Variants in LONRF2 observed in about 807,000 individuals in gnomAD.
LONRF2 encodes the protein LON peptidase N-terminal domain and ring finger 2.
In LONRF2, 35 loss-of-function variants were observed where a neutral mutation model predicts 66.6. That is an observed-to-expected ratio of 0.53 (90% CI 0.40 to 0.70). The LOEUF (loss-of-function observed/expected upper bound fraction) is 0.70. LONRF2 is among the 30% of genes least tolerant of loss of function. LONRF2 has a pLI of 0.00. For synonymous variants in LONRF2, 417 were observed against 418.1 expected, an observed-to-expected ratio of 1.00 and a Z score of 0.03; for missense variants, 902 against 1,002.1, an observed-to-expected ratio of 0.90 and a Z score of 1.35.
In LONRF2 at chr2:100,322,051, G is replaced by A; in HGVS notation, c.43C>T (p.Pro15Ser). Residue 15 changes from proline (P) to serine (S), a missense_variant, in exon 1 of 12, where the codon CCT becomes TCT. Physicochemically the swap from Pro to Ser is moderately conservative, Grantham distance 74. Transcript: ENST00000393437. Reference sequence around the variant, plus strand: ...ATCGGCTCCGCGCGGTCGCAGCCAGGACACTGGGGCGGCGGCGGCGGCGGG... The same window carrying A: ...ATCGGCTCCGCGCGGTCGCAGCCAGAACACTGGGGCGGCGGCGGCGGCGGG... ...PVPPPPPPQC[P>S]GCDRAEPIAQ... 1 of 1,322,992 alleles carries A rather than the reference G, an allele frequency of 7.6e-7. No individual in the cohort carries two copies. 82.0% of individuals were successfully genotyped at this position (1,322,992 alleles called of 1,614,324 possible).
At position 100,276,158 on chromosome 2, in the gene LONRF2, G is replaced by A. The variant is rs930794335; in HGVS notation, c.*8140C>T. On this transcript the variant is annotated 3_prime_UTR_variant, in exon 12 of 12. Transcript: ENST00000393437. ...ACCAAAACATAAAAGGGTGCCTATT[G>A]GCTTTTGTGTCTCCATAACTTAGGT... 1 of 152,092 alleles carries A rather than the reference G, an allele frequency of 6.6e-6. No individual in the cohort carries two copies. The highest frequency in any genetic ancestry group is 2.4e-5 in the African/African-American group (1 of 41,404). The allele number at this position is 152,092 out of a possible 1,614,324, so 9.4% of individuals were successfully genotyped here.
intron 9 of LONRF2, among the ~76,000 whole-genome samples, chr2:100,292,058 A>G (rs1427054481): frequency 6.6e-6 from 1 of 152,204 alleles, no homozygotes; most frequent in East Asian, 1.9e-4. Flanking sequence ...CCCCCAAACT[A>G]AAGAGCAGCG....
intron 7 of LONRF2, among the ~76,000 whole-genome samples, chr2:100,297,196 T>C (rs1290661919): frequency 1.3e-5 from 2 of 152,116 alleles, no homozygotes; most frequent in African/African-American, 4.8e-5. Flanking sequence ...TGGCGCAATC[T>C]TGGCTCACTG....
chr2:100,299,206 C>T lies in LONRF2; in HGVS notation c.1361+20G>A, dbSNP rs1373953670. ...AGGCTGCAGTTTTAAAAGAGTTGCACGGATTCTGTACCATCCTACCTCATG... is the reference window on the plus strand; with the variant it reads ...AGGCTGCAGTTTTAAAAGAGTTGCATGGATTCTGTACCATCCTACCTCATG... On this transcript the variant is annotated intron_variant, in intron 6 of 11. Transcript: ENST00000393437. The T allele has an allele frequency of 8.5e-6, 13 of 1,523,732 alleles. No individual in the cohort carries two copies. The highest frequency in any genetic ancestry group is 2.1e-5 in the Admixed American group (1 of 47,284). The allele number at this position is 1,523,732 out of a possible 1,614,324, so 94.4% of individuals were successfully genotyped here.
chr2:100,284,509 G>C lies in LONRF2; in HGVS notation c.2071-17C>G. On this transcript the variant is annotated splice_polypyrimidine_tract_variant and intron_variant, in intron 11 of 11. Transcript: ENST00000393437. ...GGGATTACTCTGCAAAAGAGATGAG[G>C]GGAAAGCAAGGTTAACACTGGAAAT... is the stretch of plus-strand genomic sequence containing the variant. 1 of 1,527,516 alleles carries C rather than the reference G, an allele frequency of 6.5e-7. No homozygotes were observed. The allele number at this position is 1,527,516 out of a possible 1,614,324, so 94.6% of individuals were successfully genotyped here.
Position 100,300,019 on chromosome 2 carries a change from A to AGGGG in LONRF2, c.1066-105_1066-102dup, listed in dbSNP as rs33984834. On this transcript the variant is annotated intron_variant, in intron 4 of 11. Coordinates refer to ENST00000393437, the MANE Select transcript of LONRF2 (RefSeq NM_198461.4). ...GTACTAGAAATCTTTGGAAAAAAAA[A>AGGGG]GGGGGGGGCATACACTCTTCTTCAT... 189 of 396,536 alleles carry AGGGG rather than the reference A, an allele frequency of 4.8e-4. 1 individual carries two copies. The highest frequency in any genetic ancestry group is 3.9e-3 in the African/African-American group (174 of 44,866). The allele number at this position is 396,536 out of a possible 1,614,324, so 24.6% of individuals were successfully genotyped here.
Position 100,278,843 on chromosome 2 carries a change from T to C in LONRF2, c.*5455A>G, listed in dbSNP as rs1038865624. The stretch of plus-strand genomic sequence containing the variant: ...TCTCCTGAGGCACAAAGTGGGCACA[T>C]GACATGTTTGCTGTTCTTCCTTTTA... On this transcript the variant is annotated 3_prime_UTR_variant, in exon 12 of 12. Transcript: ENST00000393437. 3.3e-5 allele frequency: 5 copies of C among 152,176 alleles called. No homozygotes were observed. Among genetic ancestry groups the C allele is most frequent in the African/African-American group, 9.7e-5 (4 of 41,416 alleles). 9.4% of individuals were successfully genotyped at this position (152,176 alleles called of 1,614,324 possible). A position where few individuals can be genotyped will look rare whatever the true frequency, so the allele number is the denominator to read the frequency against.
intron 1 of LONRF2, among the ~76,000 whole-genome samples, chr2:100,321,114 C>T (rs568737862): frequency 7.2e-5 from 11 of 152,326 alleles, no homozygotes; most frequent in African/African-American, 2.2e-4. Flanking sequence ...CTCCCCGCTC[C>T]TCAACAGCGC....
rs574352196 is a variant in LONRF2, at chr2:100,305,999, C to T, written c.799-2956G>A. The stretch of plus-strand genomic sequence containing the variant: ...CACCTCCCAGGTTCAAGTGATTCTC[C>T]TGCCTCAGCCTCCGGAGTAGCTGGG... On this transcript the variant is annotated intron_variant, in intron 2 of 11. Coordinates refer to ENST00000393437, the MANE Select transcript of LONRF2 (RefSeq NM_198461.4). 1.6e-3 allele frequency among the ~76,000 whole-genome samples: 243 copies of T among 152,320 alleles called. 1 individual carries two copies. The highest frequency in any genetic ancestry group is 5.6e-3 in the African/African-American group (233 of 41,578).
At chr2:100,292,464 T>G (rs141386913) in intron 9 of LONRF2, among the ~76,000 whole-genome samples, 1 of 152,246 alleles carries the variant, frequency 6.6e-6, no homozygotes, top group South Asian at 2.1e-4. Context: ...GGGCTCTGCC[T>G]ACTCTCTCCC....
intron 2 of LONRF2, among the ~76,000 whole-genome samples, chr2:100,308,330 T>TA (rs1314829142): frequency 6.6e-6 from 1 of 151,676 alleles, no homozygotes; most frequent in Admixed American, 6.6e-5. Flanking sequence ...AAAAATAAAA[T>TA]AAAAAAATAA....
chr2:100,308,092 G>A (rs1034164842), intron 2 of LONRF2, among the ~76,000 whole-genome samples: 11 of 152,176 alleles, frequency 7.2e-5, no homozygotes, highest in African/African-American at 2.4e-4. Flanking sequence ...GAGGGAGGCC[G>A]GGCGTGGTGG....
chr2:100,311,580 T>C (rs1675409444), intron 1 of LONRF2, among the ~76,000 whole-genome samples: 1 of 152,200 alleles, frequency 6.6e-6, no homozygotes, highest in Non-Finnish European at 1.5e-5. Flanking sequence ...ATACTCCTAT[T>C]TCCTCATGCT....
At chr2:100,288,490 G>A (rs534126015) in intron 10 of LONRF2, among the ~76,000 whole-genome samples, 1 of 152,326 alleles carries the variant, frequency 6.6e-6, no homozygotes, top group South Asian at 2.1e-4. Flanking sequence ...TCTTGCTGCA[G>A]TATAATTTAC....
chr2:100,310,386 C>T (rs1675385817), intron 1 of LONRF2, among the ~76,000 whole-genome samples: 1 of 152,176 alleles, frequency 6.6e-6, no homozygotes, highest in African/African-American at 2.4e-5. Context: ...TGTTCTCATC[C>T]CTCTACCTAA....
At chr2:100,292,027 G>T (rs1270838823) in intron 9 of LONRF2, among the ~76,000 whole-genome samples, 2 of 152,208 alleles carry the variant, frequency 1.3e-5, no homozygotes, top group Non-Finnish European at 2.9e-5. Flanking sequence ...AGTTCTCATG[G>T]TGAGCAGCTT....
In LONRF2 at chr2:100,274,913, C is replaced by T. The variant is rs190085779; in HGVS notation, c.*9385G>A. 6.6e-5 allele frequency: 10 copies of T among 152,500 alleles called. No homozygotes were observed. In the East Asian group the frequency reaches 1.5e-3, roughly 24 times the overall value. 9.4% of individuals were successfully genotyped at this position (152,500 alleles called of 1,614,324 possible). A position where few individuals can be genotyped will look rare whatever the true frequency, so the allele number is the denominator to read the frequency against. ...TTTTCTTTCAATGACAGCAGCCTCT[C>T]CTTTATGAATTAAACGTGGGTACAT... On this transcript the variant is annotated 3_prime_UTR_variant, in exon 12 of 12. Transcript: ENST00000393437.
In LONRF2 at chr2:100,297,755, T is replaced by C. The variant is rs114035232; in HGVS notation, c.1476+1081A>G. On this transcript the variant is annotated intron_variant, in intron 7 of 11. Coordinates refer to ENST00000393437, the MANE Select transcript of LONRF2 (RefSeq NM_198461.4). ...TGACACACAGCGCACAGCACAATAATTGATGTTCACGAGAACTCTGAAGAA... is the reference window on the plus strand; with the variant it reads ...TGACACACAGCGCACAGCACAATAACTGATGTTCACGAGAACTCTGAAGAA... Among the ~76,000 whole-genome samples the C allele has an allele frequency of 4.2e-3, 641 of 152,274 alleles. 7 individuals carry two copies. Among genetic ancestry groups the C allele is most frequent in the African/African-American group, 0.015 (609 of 41,556 alleles).
chr2:100,315,788 G>A (rs1675494316), intron 1 of LONRF2, among the ~76,000 whole-genome samples: 1 of 151,950 alleles, frequency 6.6e-6, no homozygotes, highest in Non-Finnish European at 1.5e-5. Context: ...AGAAACATTG[G>A]GCTGTATTTT....
Sources: allele counts gnomAD v4.1 joint callset (sites outside exome capture counted in the v4.1 genomes callset), GRCh38; gene constraint gnomAD v4.1.1; transcripts MANE v1.5; gene names NCBI Gene and HGNC (gene_info 2026-07-23, HGNC 2026-07-21).